PDZD8: variants seen among roughly 807,000 people sequenced by gnomAD.
PDZD8 encodes PDZ domain containing 8, also known as PDZ domain-containing protein 8.
PDZD8 carries 14 observed loss-of-function variants against 85.8 expected under a neutral mutation model. The ratio of observed to expected loss-of-function variants is 0.16; its 90% CI spans 0.11 to 0.26. The LOEUF (loss-of-function observed/expected upper bound fraction) is 0.26, where lower values mean the gene tolerates loss of function less well. Ranked by LOEUF, PDZD8 falls within the 10% of genes least tolerant of loss-of-function variation. The pLI is 1.00. For missense variants in PDZD8, 1,197 were observed against 1,424.3 expected (o/e 0.84, Z 2.57); for synonymous variants, 592 against 568.6 (o/e 1.04, Z -0.59).
intron 2 of PDZD8, 64 bp downstream of exon 2, chr10:117,340,916 C>T (rs1844600791): frequency 1.3e-6 from 2 of 1,564,966 alleles, no homozygotes; most frequent in African/African-American, 1.4e-5. Flanking sequence ...ACAAATACTG[C>T]TTAGGAATAT....
rs115247006 is a variant in PDZD8, at chr10:117,301,699, T to C, written c.1099-11351A>G. Among the ~76,000 whole-genome samples the C allele has an allele frequency of 9.3e-3, 1,411 of 152,348 alleles. 25 individuals are homozygous for C. Among genetic ancestry groups the C allele is most frequent in the African/African-American group, 0.032 (1,345 of 41,572 alleles). ...TCCCAATTAGAGGCAGCAAGAAGGC[T>C]GTTGAAGATCTAGGGCTAAATTTCC... On this transcript the variant is annotated intron_variant, in intron 3 of 4. Transcript: ENST00000334464.
chr10:117,361,781 T>G lies in PDZD8; in HGVS notation c.872+12575A>C, dbSNP rs181461470. Among the ~76,000 whole-genome samples, 5 of 152,312 alleles carry G rather than the reference T, an allele frequency of 3.3e-5. No individual in the cohort carries two copies. In the East Asian group the frequency reaches 9.6e-4, roughly 29 times the overall value. On this transcript the variant is annotated intron_variant, in intron 1 of 4. Coordinates refer to ENST00000334464, the MANE Select transcript of PDZD8 (RefSeq NM_173791.5). ...TTTAAAAAAAAGACTGTTGCGACTG[T>G]ACAGAACTTGATGTACAGATCTTTT...
intron 2 of PDZD8, among the ~76,000 whole-genome samples, chr10:117,329,244 G>T (rs1844373945): frequency 1.3e-5 from 2 of 152,106 alleles, no homozygotes; most frequent in Non-Finnish European, 2.9e-5. Flanking sequence ...CCAAAGGGAA[G>T]TCAGTACTAC....
chr10:117,303,939 G>T (rs1007278599), intron 3 of PDZD8, among the ~76,000 whole-genome samples: 1 of 152,230 alleles, frequency 6.6e-6, no homozygotes. Context: ...CTCTGCTAGG[G>T]CAGTGTCAAA....
chr10:117,312,479 A>G (rs1307793149), intron 3 of PDZD8, among the ~76,000 whole-genome samples: 1 of 152,142 alleles, frequency 6.6e-6, no homozygotes, highest in Non-Finnish European at 1.5e-5. Flanking sequence ...ACAAGCCAGA[A>G]ACTCTACTAG....
At chr10:117,341,441 A>C (rs576695264) in intron 1 of PDZD8, among the ~76,000 whole-genome samples, 124 of 152,306 alleles carry the variant, frequency 8.1e-4, no homozygotes, top group African/African-American at 2.9e-3. Flanking sequence ...GTACAAGATC[A>C]AAATTCAGAA....
At chr10:117,316,254 T>C (rs561630034) in intron 3 of PDZD8, among the ~76,000 whole-genome samples, 6 of 152,226 alleles carry the variant, frequency 3.9e-5, no homozygotes, top group Non-Finnish European at 7.3e-5. Context: ...CTGAGTGAGT[T>C]TGCTCCAAAC....
At chr10:117,343,608 G>A (rs1187626455) in intron 1 of PDZD8, among the ~76,000 whole-genome samples, 1 of 152,132 alleles carries the variant, frequency 6.6e-6, no homozygotes, top group Non-Finnish European at 1.5e-5. Flanking sequence ...AATCACAACT[G>A]CTCTAAGAAC....
At chr10:117,322,437 G>A (rs1337031834) in intron 2 of PDZD8, among the ~76,000 whole-genome samples, 2 of 152,162 alleles carry the variant, frequency 1.3e-5, no homozygotes, top group African/African-American at 4.8e-5. Context: ...GATCTCTGTG[G>A]TTTGGGGTTA....
rs1487265426 is a variant in PDZD8, at chr10:117,278,887, C to T, written c.*4381G>A. ...CTTTGGAAGATGGCTCTGGAGGAAA[C>T]TCTCATATGGCTAAAAAGGCAGGCT... On this transcript the variant is annotated 3_prime_UTR_variant, in exon 5 of 5. Transcript: ENST00000334464. The T allele has an allele frequency of 6.6e-6, 1 of 152,188 alleles. No homozygotes were observed. The highest frequency in any genetic ancestry group is 6.5e-5 in the Admixed American group (1 of 15,274). 9.4% of individuals were successfully genotyped at this position (152,188 alleles called of 1,614,324 possible). A position where few individuals can be genotyped will look rare whatever the true frequency, so the allele number is the denominator to read the frequency against.
rs575224383 is a variant in PDZD8, at chr10:117,369,598, C to T, written c.872+4758G>A. Among the ~76,000 whole-genome samples the T allele has an allele frequency of 2.6e-5, 4 of 152,314 alleles. No homozygotes were observed. In the South Asian group the frequency reaches 6.2e-4, roughly 24 times the overall value. On this transcript the variant is annotated intron_variant, in intron 1 of 4. Coordinates refer to ENST00000334464, the MANE Select transcript of PDZD8 (RefSeq NM_173791.5). ...TTTTCACTAATCAGCAACAGTAATG[C>T]TCCCTATTTACTCCTCCAGTACGGG... is the stretch of plus-strand genomic sequence containing the variant.
chr10:117,365,553 AAAG>A (rs1361933220), intron 1 of PDZD8, among the ~76,000 whole-genome samples: 1 of 152,196 alleles, frequency 6.6e-6, no homozygotes, highest in African/African-American at 2.4e-5. Context: ...TTGAAAGGGA[AAAG>A]AATATAATGT....
At position 117,303,829 on chromosome 10, in the gene PDZD8, T is replaced by C. The variant is rs549547451; in HGVS notation, c.1099-13481A>G. On this transcript the variant is annotated intron_variant, in intron 3 of 4. Coordinates refer to ENST00000334464, the MANE Select transcript of PDZD8 (RefSeq NM_173791.5). ...TTCAGCCTGTGGGTGCACAGAAGAA[T>C]TGAGGTTTGGGAACCTCTGCCTAGA... Among the ~76,000 whole-genome samples the C allele has an allele frequency of 4.6e-5, 7 of 152,226 alleles. No homozygotes were observed. The South Asian group carries it at 1.0e-3, about 23-fold the overall frequency.
At chr10:117,319,495 C>T (rs1844191699) in intron 2 of PDZD8, among the ~76,000 whole-genome samples, 1 of 151,766 alleles carries the variant, frequency 6.6e-6, no homozygotes, top group Admixed American at 6.6e-5. Flanking sequence ...AAGCCCAACT[C>T]CTCCTCTAGA....
At chr10:117,347,775 GAA>G (rs1421552600) in intron 1 of PDZD8, among the ~76,000 whole-genome samples, 1 of 152,090 alleles carries the variant, frequency 6.6e-6, no homozygotes, top group African/African-American at 2.4e-5. Flanking sequence ...CAGAAGGAGA[GAA>G]AAGAGACAAG....
intron 1 of PDZD8, among the ~76,000 whole-genome samples, chr10:117,353,391 A>G (rs896676886): frequency 5.3e-5 from 8 of 152,274 alleles, no homozygotes; most frequent in Middle Eastern, 3.4e-3. Flanking sequence ...AGAAAGACCC[A>G]TATTAGTCAC....
chr10:117,315,609 A>AAC (rs1554853469), intron 3 of PDZD8, among the ~76,000 whole-genome samples: 66 of 147,104 alleles, frequency 4.5e-4, no homozygotes, highest in East Asian at 1.4e-3. Flanking sequence ...AAAAAAAAAA[A>AAC]AAACAATAAT....
intron 3 of PDZD8, among the ~76,000 whole-genome samples, chr10:117,294,327 C>CAAAAAAAAAAAAAAAAAAAAAAAA (rs71013656): frequency 7.0e-6 from 1 of 142,548 alleles, no homozygotes. Flanking sequence ...ACCAAAAAGA[C>CAAAAAAAAAAAAAAAAAAAAAAAA]AAAAAAAAAA....
rs755239021 is a variant in PDZD8, at chr10:117,284,231, C to A, written c.2502G>T (p.Met834Ile). 1 of 1,614,062 alleles carries A rather than the reference C, an allele frequency of 6.2e-7. No homozygotes were observed. The highest frequency in any genetic ancestry group is 8.5e-7 in the Non-Finnish European group (1 of 1,180,048). ...LPKEEQFVGQMGLTENKHSFQ... is the reference protein window; with the variant it reads ...LPKEEQFVGQIGLTENKHSFQ... Reference sequence around the variant, plus strand: ...AACTGTGTTTGTTTTCTGTTAAACCCATCTGTCCAACAAATTGCTCCTCTT... The same window carrying A: ...AACTGTGTTTGTTTTCTGTTAAACCAATCTGTCCAACAAATTGCTCCTCTT... Residue 834 changes from methionine to isoleucine, a missense_variant, in exon 5 of 5, where the codon ATG (methionine) becomes ATT (isoleucine). Met to Ile is a conservative substitution (Grantham distance 10, BLOSUM62 1). Coordinates refer to ENST00000334464, the MANE Select transcript of PDZD8 (RefSeq NM_173791.5).
Sources: gnomAD v4.1 joint callset for allele counts (sites outside exome capture counted in the v4.1 genomes callset) on GRCh38, gnomAD v4.1.1 for gene constraint, MANE v1.5 for transcripts, NCBI Gene and HGNC (gene_info 2026-07-23, HGNC 2026-07-21) for gene names.